MALRD1: variants seen among roughly 807,000 people sequenced by gnomAD.
The protein encoded by MALRD1 is MAM and LDL-receptor class A domain-containing protein 1.
A neutral mutation model predicts 242.1 loss-of-function variants in MALRD1; 247 were observed. That is an observed-to-expected ratio of 1.02 (90% CI 0.92 to 1.13). The LOEUF is 1.13. Ranked by LOEUF, MALRD1 falls within the 50% of genes most tolerant of loss-of-function variation. The probability of loss-of-function intolerance (pLI) is 0.00; values close to 1 mark genes in which losing one functional copy is unlikely to be tolerated. For synonymous variants in MALRD1, 995 were observed against 866.6 expected (o/e 1.15, Z -2.60); for missense variants, 2,989 against 2,533.1 (o/e 1.18, Z -3.86).
chr10:19,270,203 C>T (rs1840148156), intron 19 of MALRD1, among the ~76,000 whole-genome samples: 1 of 152,112 alleles, frequency 6.6e-6, no homozygotes, highest in African/African-American at 2.4e-5. Context: ...GTAATCCCAG[C>T]TACTCAGGAC....
At chr10:19,411,030 G>T (rs1312795039) in intron 28 of MALRD1, among the ~76,000 whole-genome samples, 1 of 152,050 alleles carries the variant, frequency 6.6e-6, no homozygotes, top group African/African-American at 2.4e-5. Context: ...TTCACCAAAT[G>T]CAGGATTATT....
chr10:19,113,097 A>G (rs957332072), intron 5 of MALRD1, among the ~76,000 whole-genome samples: 1 of 151,700 alleles, frequency 6.6e-6, no homozygotes, highest in African/African-American at 2.4e-5. Flanking sequence ...CCCCTATGGG[A>G]TATTTTTTTT....
intron 20 of MALRD1, among the ~76,000 whole-genome samples, chr10:19,281,097 A>T (rs72796457): frequency 0.081 from 12,326 of 151,814 alleles, 587 homozygotes; most frequent in East Asian, 0.17. Flanking sequence ...TCTAGAAAAA[A>T]ATGTTTTTTA....
At chr10:19,050,740 C>T (rs1834468505) in intron 1 of MALRD1, among the ~76,000 whole-genome samples, 1 of 152,152 alleles carries the variant, frequency 6.6e-6, no homozygotes, top group Non-Finnish European at 1.5e-5. Flanking sequence ...TCTGGAAGAG[C>T]CCTTACTGTT....
chr10:19,432,214 A>C (rs1328250239), intron 28 of MALRD1, among the ~76,000 whole-genome samples: 1 of 152,224 alleles, frequency 6.6e-6, no homozygotes, highest in African/African-American at 2.4e-5. Context: ...TGTTATAGAC[A>C]ATGCTTACTC....
chr10:19,666,074 T>C (rs1405242757), intron 36 of MALRD1, among the ~76,000 whole-genome samples: 4 of 152,096 alleles, frequency 2.6e-5, no homozygotes, highest in Non-Finnish European at 5.9e-5. Flanking sequence ...TCGTCCTCCC[T>C]CCTCTTTCAA....
At chr10:19,520,356 G>A (rs1254268452) in intron 31 of MALRD1, among the ~76,000 whole-genome samples, 1 of 147,422 alleles carries the variant, frequency 6.8e-6, no homozygotes, top group Non-Finnish European at 1.5e-5. Context: ...ATTGCATTTT[G>A]TCTACCAATG....
At chr10:19,067,016 G>C (rs895213601) in intron 2 of MALRD1, among the ~76,000 whole-genome samples, 157 bp downstream of exon 2, 8 of 151,648 alleles carry the variant, frequency 5.3e-5, no homozygotes, top group Admixed American at 4.6e-4. Flanking sequence ...CATATTTGTA[G>C]TTAAAATGTC....
intron 12 of MALRD1, among the ~76,000 whole-genome samples, chr10:19,163,137 T>TAAAAAAAAAAAAAAAAAA (rs58034381): frequency 2.3e-4 from 10 of 43,850 alleles, no homozygotes; most frequent in African/African-American, 4.1e-4. Context: ...AAACCCTGTC[T>TAAAAAAAAAAAAAAAAAA]AAAAAAAAAA....
At chr10:19,671,854 A>G (rs1024319316) in intron 36 of MALRD1, among the ~76,000 whole-genome samples, 3 of 152,156 alleles carry the variant, frequency 2.0e-5, no homozygotes, top group African/African-American at 7.2e-5. Flanking sequence ...TTATTGTGAC[A>G]GAAACTGCTG....
At chr10:19,587,902 A>T (rs1200393639) in intron 33 of MALRD1, among the ~76,000 whole-genome samples, 3 of 124,868 alleles carry the variant, frequency 2.4e-5, no homozygotes, top group Non-Finnish European at 5.2e-5. Context: ...TAAATTCCTT[A>T]TCCTAGGTGT....
At chr10:19,162,979 T>A (rs979341383) in intron 12 of MALRD1, among the ~76,000 whole-genome samples, 19 of 148,470 alleles carry the variant, frequency 1.3e-4, no homozygotes, top group African/African-American at 4.7e-4. Context: ...ACTAAAAAGT[T>A]AAAAAAAAAT....
chr10:19,449,884 A>G (rs3904489), intron 28 of MALRD1, among the ~76,000 whole-genome samples: 45,252 of 151,976 alleles, frequency 0.3, 6,816 homozygotes, highest in Admixed American at 0.39. Context: ...GTTCCATATT[A>G]TTGTGAAAGA....
chr10:19,425,548 A>G (rs1362636783), intron 28 of MALRD1, among the ~76,000 whole-genome samples: 3 of 151,804 alleles, frequency 2.0e-5, no homozygotes, highest in African/African-American at 7.3e-5. Context: ...AAGGCTGACA[A>G]GTGTGCATTA....
At chr10:19,382,072 C>T (rs1845861080) in intron 26 of MALRD1, among the ~76,000 whole-genome samples, 1 of 152,150 alleles carries the variant, frequency 6.6e-6, no homozygotes. Context: ...TTACTCCAGT[C>T]TATACCCTTA....
intron 1 of MALRD1, chr10:19,052,066 G>T (rs1487641829): frequency 4.8e-6 from 2 of 415,144 alleles, no homozygotes; most frequent in Non-Finnish European, 4.6e-6. Context: ...AGCTTTGATG[G>T]CATGGTGGAT....
At chr10:19,214,934 C>T (rs970614829) in intron 18 of MALRD1, among the ~76,000 whole-genome samples, 9 of 152,172 alleles carry the variant, frequency 5.9e-5, no homozygotes, top group Non-Finnish European at 1.3e-4. Flanking sequence ...AAAACTTTGG[C>T]TAACTTATTC....
At chr10:19,621,042 A>G (rs918464527) in intron 36 of MALRD1, among the ~76,000 whole-genome samples, 3 of 151,792 alleles carry the variant, frequency 2.0e-5, no homozygotes, top group African/African-American at 7.2e-5. Flanking sequence ...TTTTACTACA[A>G]TGACAGAAGA....
intron 28 of MALRD1, among the ~76,000 whole-genome samples, chr10:19,442,411 A>C (rs1589080523): frequency 6.6e-6 from 1 of 152,156 alleles, no homozygotes; most frequent in Admixed American, 6.5e-5. Flanking sequence ...TTCAAAGGGA[A>C]TGCTTCCAGT....
Sources: allele counts gnomAD v4.1 joint callset (sites outside exome capture counted in the v4.1 genomes callset), GRCh38; gene constraint gnomAD v4.1.1; transcripts MANE v1.5; gene names NCBI Gene and HGNC (gene_info 2026-07-23, HGNC 2026-07-21).